Variants in ARAP2 observed in about 807,000 individuals in gnomAD.
ARAP2 encodes the protein arf-GAP with Rho-GAP domain, ANK repeat and PH domain-containing protein 2.
A neutral mutation model predicts 194.5 loss-of-function variants in ARAP2; 148 were observed. The observed-to-expected ratio is 0.76, with a 90% CI of 0.67 to 0.87. The LOEUF is 0.87. Ranked by LOEUF, ARAP2 falls within the 40% of genes least tolerant of loss-of-function variation. The pLI is 0.00. For synonymous variants in ARAP2, 695 were observed against 683.5 expected (o/e 1.02, Z -0.26); for missense variants, 2,128 against 1,989.7 (o/e 1.07, Z -1.32).
intron 15 of ARAP2, chr4:36,157,526 C>T (rs900733062): frequency 9.2e-5 from 14 of 152,190 alleles, no homozygotes; most frequent in African/African-American, 1.9e-4. Context: ...CTGGCTGTCA[C>T]GCTTTGACCA....
chr4:36,098,609 T>C (rs189953532), intron 27 of ARAP2, among the ~76,000 whole-genome samples: 341 of 152,170 alleles, frequency 2.2e-3, no homozygotes, highest in Admixed American at 3.4e-3. Context: ...AACTAAAATA[T>C]AATATTTAAG....
chr4:36,236,742 A>C (rs1203219367), intron 1 of ARAP2, among the ~76,000 whole-genome samples: 1 of 152,204 alleles, frequency 6.6e-6, no homozygotes, highest in Non-Finnish European at 1.5e-5. Context: ...CCTTGATTGG[A>C]TTCAGAGATA....
At chr4:36,091,788 C>T in intron 28 of ARAP2, 93 bp downstream of exon 28, 1 of 1,336,004 alleles carries the variant, frequency 7.5e-7, no homozygotes, top group Admixed American at 2.3e-5. Flanking sequence ...ATACTACAGG[C>T]AGTGACTTCC....
intron 2 of ARAP2, among the ~76,000 whole-genome samples, chr4:36,056,938 T>G (rs1052161735): frequency 6.6e-6 from 1 of 152,070 alleles, no homozygotes; most frequent in Non-Finnish European, 1.5e-5. Flanking sequence ...GTCAATATTA[T>G]GTTTACCTGA....
chr4:36,104,624 T>C (rs1717891418), intron 27 of ARAP2, among the ~76,000 whole-genome samples: 1 of 151,994 alleles, frequency 6.6e-6, no homozygotes, highest in Non-Finnish European at 1.5e-5. Context: ...AAGAAATTGA[T>C]TTTTTAAAAA....
chr4:36,020,376 A>T (rs1267636009), intron 5 of ARAP2, among the ~76,000 whole-genome samples: 1 of 152,174 alleles, frequency 6.6e-6, no homozygotes, highest in Non-Finnish European at 1.5e-5. Context: ...GTGCCATTGC[A>T]CTCCATCCTG....
At chr4:36,124,648 T>C (rs1433393015) in intron 22 of ARAP2, among the ~76,000 whole-genome samples, 1 of 151,900 alleles carries the variant, frequency 6.6e-6, no homozygotes, top group African/African-American at 2.4e-5. Flanking sequence ...TTTAAATTCT[T>C]GCTTATGCAT....
rs11431961 is a variant in ARAP2, at chr4:36,160,651, C to CAAA, written c.2260-13_2260-11dup. ...CAATGACAATAAAAAGCTGAATTGT[C>CAAA]AAAAAAAAAACCCCATAATATATCA... On this transcript the variant is annotated splice_polypyrimidine_tract_variant and intron_variant, in intron 12 of 32. Transcript: ENST00000303965. 131 of 1,165,020 alleles carry CAAA rather than the reference C, an allele frequency of 1.1e-4. No individual in the cohort carries two copies. The highest frequency in any genetic ancestry group is 7.2e-4 in the South Asian group (28 of 39,104). 72.2% of individuals were successfully genotyped at this position (1,165,020 alleles called of 1,614,324 possible).
chr4:36,097,457 C>G (rs376703434), intron 27 of ARAP2, among the ~76,000 whole-genome samples: 2 of 152,030 alleles, frequency 1.3e-5, no homozygotes, highest in Non-Finnish European at 2.9e-5. Flanking sequence ...CTGTGTGTAA[C>G]TCTATATGTA....
At chr4:36,234,970 C>T (rs1752179444) in intron 1 of ARAP2, among the ~76,000 whole-genome samples, 1 of 152,216 alleles carries the variant, frequency 6.6e-6, no homozygotes, top group Non-Finnish European at 1.5e-5. Flanking sequence ...TGACCCAATT[C>T]CATGAGGCAA....
intron 30 of ARAP2, among the ~76,000 whole-genome samples, chr4:36,081,371 C>T (rs1232837741): frequency 6.6e-6 from 1 of 152,120 alleles, no homozygotes; most frequent in South Asian, 2.1e-4. Context: ...AAAGTATGAA[C>T]AAAGGTTTAG....
At chr4:36,017,589 C>CAAAAAAAAA (rs1252307818) in intron 6 of ARAP2, among the ~76,000 whole-genome samples, 4 of 20,956 alleles carry the variant, frequency 1.9e-4, no homozygotes, top group African/African-American at 4.8e-4. Flanking sequence ...AAAAAAAAAG[C>CAAAAAAAAA]TTTCTGTGGA....
At chr4:36,017,414 C>G (rs957607416) in intron 6 of ARAP2, among the ~76,000 whole-genome samples, 20 of 150,956 alleles carry the variant, frequency 1.3e-4, no homozygotes, top group Non-Finnish European at 4.4e-5. Context: ...TTCTGTATGT[C>G]AGGTCATGAT....
downstream of ARAP2, among the ~76,000 whole-genome samples, chr4:36,063,382 A>C (rs776879531): frequency 3.9e-5 from 6 of 152,022 alleles, no homozygotes; most frequent in African/African-American, 7.3e-5. Flanking sequence ...GGGTGCAGCA[A>C]ACCAACATGA....
chr4:36,014,931 T>C (rs1715516068), intron 8 of ARAP2, among the ~76,000 whole-genome samples: 1 of 152,120 alleles, frequency 6.6e-6, no homozygotes, highest in South Asian at 2.1e-4. Context: ...CATAGTGCAC[T>C]AGGAAAATTG....
At chr4:36,087,554 C>T (rs752810526) in intron 28 of ARAP2, among the ~76,000 whole-genome samples, 54 of 152,130 alleles carry the variant, frequency 3.5e-4, no homozygotes, top group Non-Finnish European at 4.4e-4. Context: ...GATACAAATT[C>T]TTAAAGCAAA....
intron 18 of ARAP2, 46 bp downstream of exon 18, chr4:36,147,502 A>C (rs766367946): frequency 1.2e-5 from 19 of 1,584,630 alleles, no homozygotes. Flanking sequence ...TATTGTATGC[A>C]ATAAAGAAAA....
At chr4:36,191,092 G>C (rs1741789758) in intron 7 of ARAP2, among the ~76,000 whole-genome samples, 1 of 152,200 alleles carries the variant, frequency 6.6e-6, no homozygotes, top group Non-Finnish European at 1.5e-5. Flanking sequence ...ACTGAGACCA[G>C]ACAGCAGGAA....
At chr4:36,068,357 G>A (rs149532198) in intron 32 of ARAP2, 79 bp from the exon 33 acceptor site, 5 of 1,412,258 alleles carry the variant, frequency 3.5e-6, no homozygotes, top group Non-Finnish European at 1.9e-6. Flanking sequence ...CCACATAAAA[G>A]TTGATGCTTC....
Sources: allele counts gnomAD v4.1 joint callset (sites outside exome capture counted in the v4.1 genomes callset), GRCh38; gene constraint gnomAD v4.1.1; transcripts MANE v1.5; gene names NCBI Gene and HGNC (gene_info 2026-07-23, HGNC 2026-07-21).